The following FSHR variants were observed in gnomAD, a reference collection of about 807,000 sequenced individuals.
FSHR encodes the protein follicle-stimulating hormone receptor.
In FSHR, 46 loss-of-function variants were observed where a neutral mutation model predicts 52.1. The ratio of observed to expected loss-of-function variants is 0.88; its 90% CI spans 0.70 to 1.13. The LOEUF (loss-of-function observed/expected upper bound fraction) is 1.13, where lower values mean the gene tolerates loss of function less well. FSHR is among the 50% of genes most tolerant of loss of function. The probability of loss-of-function intolerance (pLI) is 0.00; values close to 1 mark genes in which losing one functional copy is unlikely to be tolerated. For synonymous variants in FSHR, 399 were observed against 309.6 expected (o/e 1.29, Z -3.03); for missense variants, 964 against 834.6 (o/e 1.16, Z -1.91).
chr2:48,991,683 A>G (rs1265891743), intron 4 of FSHR, among the ~76,000 whole-genome samples: 27 of 152,184 alleles, frequency 1.8e-4, no homozygotes, highest in Non-Finnish European at 2.9e-5. Flanking sequence ...TGTGGGTGGA[A>G]CTGGCTGCCA....
chr2:49,055,531 C>CA (rs75665223), intron 2 of FSHR, among the ~76,000 whole-genome samples: 2,207 of 50,980 alleles, frequency 0.043, 128 homozygotes, highest in Middle Eastern at 0.068. Context: ...CCAGGAAGCT[C>CA]AAAAAAAAAA....
chr2:49,127,877 C>T (rs1271522360), intron 1 of FSHR, among the ~76,000 whole-genome samples: 29 of 39,902 alleles, frequency 7.3e-4, no homozygotes, highest in African/African-American at 1.7e-3. Context: ...TCTTCTTCTT[C>T]TTCTTCTTCT....
At chr2:49,077,906 A>G (rs1489073075) in intron 1 of FSHR, among the ~76,000 whole-genome samples, 1 of 152,202 alleles carries the variant, frequency 6.6e-6, no homozygotes, top group Non-Finnish European at 1.5e-5. Flanking sequence ...TATTGTTCAT[A>G]TCACTATCAG....
chr2:48,999,044 G>T (rs1050924900), intron 4 of FSHR, among the ~76,000 whole-genome samples: 3 of 151,936 alleles, frequency 2.0e-5, no homozygotes, highest in Non-Finnish European at 4.4e-5. Flanking sequence ...TCGCTGATGG[G>T]GTGAGGAATC....
intron 4 of FSHR, among the ~76,000 whole-genome samples, chr2:49,015,117 G>A (rs57965646): frequency 0.012 from 1,753 of 152,150 alleles, 36 homozygotes; most frequent in African/African-American, 0.039. Flanking sequence ...TTTTACAGCC[G>A]CTCTATAGAT....
intron 2 of FSHR, 111 bp from the exon 3 acceptor site, chr2:49,020,271 T>A: frequency 1.1e-6 from 1 of 909,702 alleles, no homozygotes; most frequent in Non-Finnish European, 1.8e-6. Flanking sequence ...CACACAAAAC[T>A]CCTTTCCTGC....
At chr2:49,052,559 AG>A (rs1320472308) in intron 2 of FSHR, among the ~76,000 whole-genome samples, 7 of 152,210 alleles carry the variant, frequency 4.6e-5, no homozygotes, top group Non-Finnish European at 7.3e-5. Flanking sequence ...TTATTTTTAA[AG>A]TTCTCCAGGG....
chr2:49,135,077 T>G (rs980146526), intron 1 of FSHR, among the ~76,000 whole-genome samples: 1 of 152,110 alleles, frequency 6.6e-6, no homozygotes, highest in African/African-American at 2.4e-5. Flanking sequence ...GAATATCAAG[T>G]ATATAAAAGA....
chr2:48,964,284 C>T (rs745717517), intron 9 of FSHR, among the ~76,000 whole-genome samples: 3 of 152,190 alleles, frequency 2.0e-5, no homozygotes, highest in Admixed American at 6.5e-5. Context: ...CTGGCATCAA[C>T]TCGACCCTTT....
chr2:49,107,717 A>T (rs972759380), intron 1 of FSHR, among the ~76,000 whole-genome samples: 1 of 152,178 alleles, frequency 6.6e-6, no homozygotes, highest in Non-Finnish European at 1.5e-5. Context: ...AACACTACAA[A>T]GTAAGAACTA....
intron 4 of FSHR, among the ~76,000 whole-genome samples, chr2:49,012,848 G>C (rs771943759): frequency 2.0e-5 from 3 of 152,144 alleles, no homozygotes; most frequent in Admixed American, 6.6e-5. Flanking sequence ...CTCCTGCTCA[G>C]ATGAAAATAA....
intron 6 of FSHR, among the ~76,000 whole-genome samples, chr2:48,987,157 A>G (rs562277770): frequency 6.6e-6 from 1 of 151,964 alleles, no homozygotes; most frequent in East Asian, 1.9e-4. Flanking sequence ...TCATGTATTC[A>G]CTATTTTCCA....
intron 1 of FSHR, among the ~76,000 whole-genome samples, chr2:49,083,930 G>C (rs1572720818): frequency 6.6e-6 from 1 of 151,618 alleles, no homozygotes; most frequent in East Asian, 1.9e-4. Context: ...ACATTAGACA[G>C]ATCAACGAGA....
intron 1 of FSHR, among the ~76,000 whole-genome samples, chr2:49,143,640 C>A (rs1200911734): frequency 6.6e-6 from 1 of 151,992 alleles, no homozygotes; most frequent in Non-Finnish European, 1.5e-5. Flanking sequence ...AATAAAGCAA[C>A]AAGGACAGAA....
intron 8 of FSHR, among the ~76,000 whole-genome samples, chr2:48,981,439 G>A (rs1675243853): frequency 6.6e-6 from 1 of 152,128 alleles, no homozygotes; most frequent in African/African-American, 2.4e-5. Context: ...AATAGGTATT[G>A]TTTTGGCCAT....
chr2:49,079,933 C>T (rs955482190), intron 1 of FSHR, among the ~76,000 whole-genome samples: 4 of 151,868 alleles, frequency 2.6e-5, no homozygotes, highest in Non-Finnish European at 4.4e-5. Context: ...TATGTGTAAG[C>T]GTTAGACTGG....
intron 4 of FSHR, among the ~76,000 whole-genome samples, chr2:49,005,069 T>G (rs1322503742): frequency 6.6e-6 from 1 of 152,118 alleles, no homozygotes; most frequent in Non-Finnish European, 1.5e-5. Flanking sequence ...ATGCAAATTC[T>G]CCTTGAAAGG....
intron 2 of FSHR, among the ~76,000 whole-genome samples, chr2:49,027,575 C>A (rs1028631120): frequency 6.6e-6 from 1 of 152,034 alleles, no homozygotes; most frequent in African/African-American, 2.4e-5. Flanking sequence ...AAGGGCCGGG[C>A]GCAGTGGCTC....
At chr2:49,011,695 C>T (rs1356858700) in intron 4 of FSHR, among the ~76,000 whole-genome samples, 1 of 151,950 alleles carries the variant, frequency 6.6e-6, no homozygotes, top group Non-Finnish European at 1.5e-5. Context: ...CAAAGTTAAG[C>T]CGATTATACA....
Sources: allele counts gnomAD v4.1 joint callset (sites outside exome capture counted in the v4.1 genomes callset), GRCh38; gene constraint gnomAD v4.1.1; transcripts MANE v1.5; gene names NCBI Gene and HGNC (gene_info 2026-07-23, HGNC 2026-07-21).